Variants in EXOC4 observed in about 807,000 individuals in gnomAD.
EXOC4 encodes the protein exocyst complex component 4, also known as SEC8-like 1.
In EXOC4, 71 loss-of-function variants were observed where a neutral mutation model predicts 107.2. The observed-to-expected ratio is 0.66, with a 90% CI of 0.55 to 0.81. The LOEUF (loss-of-function observed/expected upper bound fraction) is 0.81. Ranked by LOEUF, EXOC4 falls within the 30% of genes least tolerant of loss-of-function variation. The pLI, the probability that EXOC4 is intolerant of heterozygous loss-of-function variation, is 0.00. For synonymous variants in EXOC4, 456 were observed against 441.2 expected (o/e 1.03, Z -0.42); for missense variants, 1,108 against 1,189.6 (o/e 0.93, Z 1.01).
At chr7:133,415,090 A>G (rs1046987540) in intron 7 of EXOC4, among the ~76,000 whole-genome samples, 2 of 152,120 alleles carry the variant, frequency 1.3e-5, no homozygotes, top group African/African-American at 4.8e-5. Context: ...GAGGTTCATC[A>G]GTGTTGTAGC....
intron 11 of EXOC4, among the ~76,000 whole-genome samples, chr7:133,881,608 G>C (rs1160715906): frequency 6.6e-6 from 1 of 151,980 alleles, no homozygotes; most frequent in Non-Finnish European, 1.5e-5. Flanking sequence ...TAGTATCTAA[G>C]ATTGTTGGAG....
chr7:133,876,411 T>G (rs1798850547), intron 11 of EXOC4, among the ~76,000 whole-genome samples: 1 of 152,116 alleles, frequency 6.6e-6, no homozygotes, highest in Admixed American at 6.6e-5. Flanking sequence ...AGTAGGTGGT[T>G]TCTTTCTTAA....
Position 133,484,126 on chromosome 7 carries a change from TTTC to T in EXOC4, c.1417+3989_1417+3991del. The T allele has an allele frequency of 7.4e-6, 12 of 1,611,074 alleles. No individual in the cohort carries two copies. The South Asian group carries it at 1.3e-4, about 18-fold the overall frequency. Reference sequence around the variant, plus strand: ...ACAAAAGTTAAGTTCCTGCCAACATTTTCAATTTATCATACAATTAGAAATGTG... The same window carrying T: ...ACAAAAGTTAAGTTCCTGCCAACATTAATTTATCATACAATTAGAAATGTG... On this transcript the variant is annotated intron_variant, in intron 9 of 17. Transcript: ENST00000253861.
At chr7:133,253,887 C>G (rs913915776) in intron 1 of EXOC4, 2 of 151,964 alleles carry the variant, frequency 1.3e-5, no homozygotes, top group Admixed American at 1.3e-4. Flanking sequence ...CTTTTAGGAG[C>G]TTTTTTTTAA....
chr7:133,536,730 G>T (rs1317845740), intron 9 of EXOC4, among the ~76,000 whole-genome samples: 1 of 151,942 alleles, frequency 6.6e-6, no homozygotes, highest in Non-Finnish European at 1.5e-5. Context: ...CTGGTGTGGG[G>T]ACTTTGATCT....
At chr7:133,461,192 T>C (rs1432085712) in intron 7 of EXOC4, among the ~76,000 whole-genome samples, 1 of 152,162 alleles carries the variant, frequency 6.6e-6, no homozygotes, top group Non-Finnish European at 1.5e-5. Context: ...CTGAGGAGGC[T>C]GCGATGAATT....
At chr7:133,929,192 A>G (rs946601850) in intron 13 of EXOC4, among the ~76,000 whole-genome samples, 7 of 151,758 alleles carry the variant, frequency 4.6e-5, no homozygotes, top group Non-Finnish European at 7.4e-5. Context: ...TGGCCTCCCA[A>G]CGTGCTGGTA....
At chr7:133,375,869 ATG>A (rs1796479096) in intron 7 of EXOC4, among the ~76,000 whole-genome samples, 2 of 152,308 alleles carry the variant, frequency 1.3e-5, no homozygotes, top group Middle Eastern at 3.4e-3. Context: ...TTTTCTCCAT[ATG>A]TGAGCAAAAT....
intron 10 of EXOC4, among the ~76,000 whole-genome samples, chr7:133,766,420 T>C (rs1176056847): frequency 6.6e-6 from 1 of 152,044 alleles, no homozygotes; most frequent in Admixed American, 6.6e-5. Context: ...AAACTTCAAT[T>C]TAATATGCTT....
At chr7:133,843,854 G>A (rs146419956) in intron 11 of EXOC4, among the ~76,000 whole-genome samples, 120 of 152,276 alleles carry the variant, frequency 7.9e-4, no homozygotes, top group African/African-American at 2.8e-3. Context: ...CTACTTTCTT[G>A]AGGGTTTTTA....
At chr7:133,569,173 TTA>T (rs1292255691) in intron 9 of EXOC4, among the ~76,000 whole-genome samples, 1 of 151,978 alleles carries the variant, frequency 6.6e-6, no homozygotes, top group Non-Finnish European at 1.5e-5. Context: ...AAAGGCCAGA[TTA>T]ATAATTAAGC....
intron 9 of EXOC4, among the ~76,000 whole-genome samples, chr7:133,628,899 C>A (rs886467451): frequency 1.3e-5 from 2 of 152,110 alleles, no homozygotes; most frequent in East Asian, 1.9e-4. Context: ...ATATCAGCAG[C>A]GTGGAATAAA....
intron 12 of EXOC4, among the ~76,000 whole-genome samples, chr7:133,909,575 A>G (rs534145260): frequency 7.2e-5 from 11 of 152,330 alleles, no homozygotes; most frequent in Admixed American, 2.0e-4. Flanking sequence ...TTAGACAGGT[A>G]GAGGGGTCGG....
At chr7:133,381,452 T>A (rs1796617077) in intron 7 of EXOC4, among the ~76,000 whole-genome samples, 1 of 152,024 alleles carries the variant, frequency 6.6e-6, no homozygotes, top group African/African-American at 2.4e-5. Flanking sequence ...TTTGTAGAGG[T>A]AGAGGAGATG....
chr7:133,983,592 C>G (rs1794045497), intron 14 of EXOC4, among the ~76,000 whole-genome samples: 1 of 151,794 alleles, frequency 6.6e-6, no homozygotes, highest in South Asian at 2.1e-4. Context: ...CCCTAAGGCT[C>G]TTTGGAAGAT....
At chr7:133,528,154 C>T (rs1342456961) in intron 9 of EXOC4, among the ~76,000 whole-genome samples, 2 of 152,138 alleles carry the variant, frequency 1.3e-5, no homozygotes, top group African/African-American at 4.8e-5. Flanking sequence ...GGCTTAATGA[C>T]AGGTGGTATC....
intron 9 of EXOC4, among the ~76,000 whole-genome samples, chr7:133,584,573 A>ATTT (rs1801352623): frequency 4.7e-5 from 2 of 42,834 alleles, no homozygotes; most frequent in East Asian, 7.7e-4. Flanking sequence ...TACGTATTTC[A>ATTT]GTTTTTTTTT....
At chr7:133,993,550 A>G (rs1042006009) in intron 14 of EXOC4, among the ~76,000 whole-genome samples, 1 of 152,244 alleles carries the variant, frequency 6.6e-6, no homozygotes, top group African/African-American at 2.4e-5. Flanking sequence ...TTAAAATTTC[A>G]GAGGTTGAAA....
intron 11 of EXOC4, among the ~76,000 whole-genome samples, chr7:133,863,373 C>T (rs1798573726): frequency 6.6e-6 from 1 of 152,098 alleles, no homozygotes; most frequent in African/African-American, 2.4e-5. Flanking sequence ...AAAAATAATA[C>T]ACTCTGACTA....
Sources: gnomAD v4.1 joint callset for allele counts (sites outside exome capture counted in the v4.1 genomes callset) on GRCh38, gnomAD v4.1.1 for gene constraint, MANE v1.5 for transcripts, NCBI Gene and HGNC (gene_info 2026-07-23, HGNC 2026-07-21) for gene names.